Variants in PSTPIP1 observed in about 807,000 individuals in gnomAD.
PSTPIP1 encodes the protein proline-serine-threonine phosphatase interacting protein 1, also known as proline-serine-threonine phosphatase-interacting protein 1.
PSTPIP1 carries 66 observed loss-of-function variants against 69.6 expected under a neutral mutation model. That is an observed-to-expected ratio of 0.95 (90% CI 0.78 to 1.16). The LOEUF (loss-of-function observed/expected upper bound fraction) is 1.16, where lower values mean the gene tolerates loss of function less well. Ranked by LOEUF, PSTPIP1 falls within the 50% of genes most tolerant of loss-of-function variation. The pLI is 0.00. For missense variants in PSTPIP1, 603 were observed against 557.4 expected, an observed-to-expected ratio of 1.08 and a Z score of -0.82; for synonymous variants, 266 against 222.7, an observed-to-expected ratio of 1.19 and a Z score of -1.73.
chr15:77,028,672 C>A lies in PSTPIP1; in HGVS notation c.516+20C>A, dbSNP rs1478352876. The A allele has an allele frequency of 6.5e-6, 10 of 1,529,746 alleles. No homozygotes were observed. Among genetic ancestry groups the A allele is most frequent in the African/African-American group, 2.8e-5 (2 of 72,654 alleles). 94.8% of individuals were successfully genotyped at this position (1,529,746 alleles called of 1,614,324 possible). ...GAGAAGGTGCGCTGGGCTGCTGGGC[C>A]GTGTGGGTCGCCCAGGGCTGGGGGC... On this transcript the variant is annotated intron_variant, in intron 7 of 14. Transcript: ENST00000558012.
chr15:76,999,375 G>C (rs1282596642), intron 1 of PSTPIP1: 1 of 151,876 alleles, frequency 6.6e-6, no homozygotes, highest in African/African-American at 2.4e-5. Context: ...GCCTCCTGGG[G>C]TCAGGTGATT....
chr15:77,036,910 T>TC, intron 14 of PSTPIP1, 135 bp from the exon 15 acceptor site: 1 of 1,193,280 alleles, frequency 8.4e-7, no homozygotes, highest in Non-Finnish European at 1.2e-6. Context: ...CCATCCTGTG[T>TC]CCCCAAGGGG....
intron 1 of PSTPIP1, among the ~76,000 whole-genome samples, chr15:76,996,394 G>A (rs1488372156): frequency 6.6e-6 from 1 of 152,220 alleles, no homozygotes; most frequent in Admixed American, 6.5e-5. Flanking sequence ...CTACCCCTCT[G>A]CCCCTCAGCT....
At chr15:77,036,300 G>T (rs1188388368) in intron 14 of PSTPIP1, among the ~76,000 whole-genome samples, 2 of 152,204 alleles carry the variant, frequency 1.3e-5, no homozygotes, top group African/African-American at 4.8e-5. Flanking sequence ...ACACGTGCGG[G>T]GAGCTGGCAG....
intron 2 of PSTPIP1, 58 bp from the exon 3 acceptor site, chr15:77,018,399 G>A: frequency 1.9e-6 from 3 of 1,548,672 alleles, no homozygotes; most frequent in Middle Eastern, 1.7e-4. Flanking sequence ...CTCAAACCTG[G>A]GCCTCCCCCA....
chr15:77,017,858 C>T (rs1262405477), intron 1 of PSTPIP1, among the ~76,000 whole-genome samples: 3 of 152,256 alleles, frequency 2.0e-5, no homozygotes, highest in Admixed American at 6.5e-5. Flanking sequence ...CATCTGCTAT[C>T]TCATGCTGAT....
chr15:77,030,151 G>A (rs537187328), intron 8 of PSTPIP1, among the ~76,000 whole-genome samples: 1 of 152,280 alleles, frequency 6.6e-6, no homozygotes, highest in Admixed American at 6.5e-5. Flanking sequence ...AAGCCTGTGG[G>A]ACTCCACCCC....
intron 1 of PSTPIP1, among the ~76,000 whole-genome samples, chr15:77,000,456 G>GATATATAT (rs1170516021): frequency 1.4e-5 from 1 of 69,220 alleles, no homozygotes; most frequent in African/African-American, 6.6e-5. Context: ...GGCATTTAAA[G>GATATATAT]AGAGATATAT....
intron 3 of PSTPIP1, among the ~76,000 whole-genome samples, chr15:77,020,581 T>C (rs1443203607): frequency 6.6e-6 from 1 of 152,226 alleles, no homozygotes; most frequent in Non-Finnish European, 1.5e-5. Context: ...TGCCATGCCC[T>C]GGATGGGTCA....
Position 77,027,300 on chromosome 15 carries a change from A to G in PSTPIP1, c.355-552A>G, listed in dbSNP as rs2076302025. Among the ~76,000 whole-genome samples the G allele has an allele frequency of 6.6e-6, 1 of 152,190 alleles. No homozygotes were observed. Among genetic ancestry groups the G allele is most frequent in the African/African-American group, 2.4e-5 (1 of 41,454 alleles). On this transcript the variant is annotated intron_variant, in intron 5 of 14. Coordinates refer to ENST00000558012, the MANE Select transcript of PSTPIP1 (RefSeq NM_003978.5). The surrounding 1 kb of genome is among the most constrained non-coding windows in gnomAD (Gnocchi z 4.3). Reference sequence around the variant, plus strand: ...GGAGGTGAGGGGAGGCTTTGGCCCCAGACCTCGGCACAGGGGCCCAGTGGC... The same window carrying G: ...GGAGGTGAGGGGAGGCTTTGGCCCCGGACCTCGGCACAGGGGCCCAGTGGC...
At chr15:77,035,641 G>C in intron 13 of PSTPIP1, 78 bp downstream of exon 13, 1 of 1,495,188 alleles carries the variant, frequency 6.7e-7, no homozygotes, top group Admixed American at 2.0e-5. Flanking sequence ...GCACAGATGG[G>C]GCCACTGAGG....
intron 8 of PSTPIP1, among the ~76,000 whole-genome samples, chr15:77,030,227 CGCCCAGAGAT>C (rs1568516433): frequency 6.6e-6 from 1 of 152,228 alleles, no homozygotes; most frequent in Non-Finnish European, 1.5e-5. Flanking sequence ...TGAGGTGGGG[CGCCCAGAGAT>C]GCCCAGAGGC....
chr15:76,995,030 C>T (rs974217307), upstream of PSTPIP1: 6 of 1,188,836 alleles, frequency 5.0e-6, no homozygotes, highest in South Asian at 6.1e-5. Flanking sequence ...GAGGCAGGAG[C>T]AGGATGGCAG....
intron 6 of PSTPIP1, 139 bp downstream of exon 6, chr15:77,028,053 C>A (rs2076324743): frequency 1.2e-6 from 1 of 823,430 alleles, no homozygotes. Context: ...CGGCCTTGGG[C>A]GCACCAGCCT....
chr15:77,013,180 G>A (rs1337604502), intron 1 of PSTPIP1, among the ~76,000 whole-genome samples: 3 of 152,196 alleles, frequency 2.0e-5, no homozygotes, highest in African/African-American at 4.8e-5. Context: ...CTGCTGCTAC[G>A]TCTTGCTTCC....
At chr15:77,007,934 A>G (rs1326039759) in intron 1 of PSTPIP1, 11 of 456,040 alleles carry the variant, frequency 2.4e-5, no homozygotes, top group Non-Finnish European at 4.4e-5. Flanking sequence ...CTGAAGCAGA[A>G]GGGATTCCCT....
intron 3 of PSTPIP1, among the ~76,000 whole-genome samples, chr15:77,019,615 C>G (rs1432379587): frequency 2.0e-5 from 3 of 152,222 alleles, no homozygotes; most frequent in African/African-American, 7.2e-5. Context: ...CTGGTCCCGG[C>G]TCGGCCAATC....
At chr15:77,035,987 A>C (rs375057169) in intron 14 of PSTPIP1, 52 bp downstream of exon 14, 483 of 1,527,486 alleles carry the variant, frequency 3.2e-4, no homozygotes, top group Non-Finnish European at 3.9e-4. Context: ...TGCACCTGAG[A>C]GCTCCCTCTC....
intron 6 of PSTPIP1, 63 bp from the exon 7 acceptor site, chr15:77,028,491 C>T (rs2076338624): frequency 1.2e-5 from 16 of 1,377,488 alleles, no homozygotes; most frequent in Non-Finnish European, 1.5e-5. Context: ...AAGGGAGCCT[C>T]ACTCCCGGGG....
Sources: gnomAD v4.1 joint callset for allele counts (sites outside exome capture counted in the v4.1 genomes callset) on GRCh38, gnomAD v4.1.1 for gene constraint, Gnocchi (gnomAD v3.1) non-coding constraint, MANE v1.5 for transcripts, NCBI Gene and HGNC (gene_info 2026-07-23, HGNC 2026-07-21) for gene names.